GPRASP3: variants seen among roughly 807,000 people sequenced by gnomAD.
The protein encoded by GPRASP3 is G protein-coupled receptor associated sorting protein 3.
At chrX:102,744,994 A>AT in the GPRASP3 span, among the ~76,000 whole-genome samples, 3 of 111,335 alleles carry the variant, frequency 2.7e-5, no homozygotes, top group African/African-American at 6.5e-5. Flanking sequence ...AGAGTAAAAA[A>AT]ATATATATAT....
At chrX:102,749,581 A>G in the GPRASP3 span, 1 of 1,211,682 alleles carries the variant, frequency 8.3e-7, no homozygotes. Flanking sequence ...TGTGAGCAGG[A>G]TAGTTAAGCC....
the GPRASP3 span, chrX:102,751,511 C>T: frequency 8.1e-6 from 1 of 123,391 alleles, no homozygotes; most frequent in African/African-American, 3.2e-5. Context: ...TTTTGTCTGA[C>T]ACCAGAACCC....
the GPRASP3 span, among the ~76,000 whole-genome samples, chrX:102,738,624 G>A: frequency 1.8e-5 from 2 of 111,729 alleles, no homozygotes; most frequent in Non-Finnish European, 1.9e-5. Flanking sequence ...GGAGTGAACC[G>A]TGGGCCCCTG....
the GPRASP3 span, among the ~76,000 whole-genome samples, chrX:102,723,880 C>T: frequency 9.0e-6 from 1 of 111,449 alleles, no homozygotes; most frequent in East Asian, 2.8e-4. Flanking sequence ...CCAGTGAAAA[C>T]TTTGAACTTC....
At chrX:102,748,213 T>A in the GPRASP3 span, among the ~76,000 whole-genome samples, 1 of 111,926 alleles carries the variant, frequency 8.9e-6, no homozygotes, top group South Asian at 3.8e-4. Context: ...AGAGTGTAGG[T>A]CTGTCAACCA....
At chrX:102,724,233 A>G in the GPRASP3 span, among the ~76,000 whole-genome samples, 1 of 111,114 alleles carries the variant, frequency 9.0e-6, no homozygotes, top group Non-Finnish European at 1.9e-5. Flanking sequence ...GTGGAGTCCA[A>G]TGCTAACTCC....
the GPRASP3 span, chrX:102,751,624 A>G: frequency 8.1e-6 from 1 of 123,317 alleles, no homozygotes; most frequent in Admixed American, 9.5e-5. Context: ...GCAATGGATC[A>G]TGTCCATGCC....
the GPRASP3 span, among the ~76,000 whole-genome samples, chrX:102,728,548 A>G: frequency 9.5e-6 from 1 of 105,687 alleles, no homozygotes; most frequent in African/African-American, 3.4e-5. Context: ...GAAAAGAAGC[A>G]GACAAAAGCA....
chrX:102,746,193 G>C, the GPRASP3 span: 1 of 111,643 alleles, frequency 9.0e-6, no homozygotes, highest in South Asian at 3.8e-4. Flanking sequence ...GGGTGCGTGA[G>C]CTTGGGGTGG....
At chrX:102,732,392 C>T in the GPRASP3 span, among the ~76,000 whole-genome samples, 2 of 111,416 alleles carry the variant, frequency 1.8e-5, no homozygotes, top group East Asian at 5.7e-4. Context: ...GTCTAGGGGT[C>T]CCCTGTAGAA....
At chrX:102,745,820 T>G in the GPRASP3 span, among the ~76,000 whole-genome samples, 33 of 110,949 alleles carry the variant, frequency 3.0e-4, no homozygotes, top group Admixed American at 2.5e-3. Context: ...GGTCGCCACG[T>G]TAGGGTCCGC....
At chrX:102,749,794 C>T in the GPRASP3 span, 13 of 1,211,433 alleles carry the variant, frequency 1.1e-5, no homozygotes, top group Middle Eastern at 6.9e-4. Context: ...AGCTTGCCGC[C>T]CTTCTAGGAA....
the GPRASP3 span, among the ~76,000 whole-genome samples, chrX:102,737,570 AGT>A: frequency 8.9e-6 from 1 of 111,805 alleles, no homozygotes; most frequent in African/African-American, 3.3e-5. Flanking sequence ...AATTCCTACC[AGT>A]CTACCAGCAT....
the GPRASP3 span, among the ~76,000 whole-genome samples, chrX:102,724,417 GT>G: frequency 9.0e-6 from 1 of 111,264 alleles, no homozygotes; most frequent in Non-Finnish European, 1.9e-5. Flanking sequence ...AAAGCAGTCT[GT>G]TTTTGTGGCA....
At chrX:102,740,842 G>A in the GPRASP3 span, among the ~76,000 whole-genome samples, 1 of 104,284 alleles carries the variant, frequency 9.6e-6, no homozygotes, top group Admixed American at 1.0e-4. Flanking sequence ...AGAAAGAGAA[G>A]AAAAGAGAAA....
chrX:102,725,745 C>T, the GPRASP3 span, among the ~76,000 whole-genome samples: 1 of 111,944 alleles, frequency 8.9e-6, no homozygotes, highest in African/African-American at 3.2e-5. Flanking sequence ...CAGGGTTTTG[C>T]CATGTTGGCC....
chrX:102,732,749 A>G, the GPRASP3 span, among the ~76,000 whole-genome samples: 1 of 112,061 alleles, frequency 8.9e-6, no homozygotes, highest in African/African-American at 3.2e-5. Context: ...TTTTTTTCAC[A>G]TAGGCTTTTA....
At chrX:102,752,603 T>G in the GPRASP3 span, 3 of 123,710 alleles carry the variant, frequency 2.4e-5, no homozygotes, top group African/African-American at 9.7e-5. Flanking sequence ...CTTTTCAATT[T>G]AGTATTATAT....
the GPRASP3 span, among the ~76,000 whole-genome samples, chrX:102,742,359 C>A: frequency 9.0e-6 from 1 of 111,656 alleles, no homozygotes; most frequent in Admixed American, 9.5e-5. Context: ...GCCTGGGGAC[C>A]AGTCTGCCTT....
Sources: allele counts gnomAD v4.1 joint callset (sites outside exome capture counted in the v4.1 genomes callset), GRCh38; gene constraint gnomAD v4.1.1; transcripts MANE v1.5; gene names NCBI Gene and HGNC (gene_info 2026-07-23, HGNC 2026-07-21).